The following MCM3AP variants were observed in gnomAD, a reference collection of about 807,000 sequenced individuals.
MCM3AP encodes the protein germinal-center associated nuclear protein.
In MCM3AP, 126 loss-of-function variants were observed where a neutral mutation model predicts 184.1. That is an observed-to-expected ratio of 0.68 (90% CI 0.59 to 0.79). The LOEUF (loss-of-function observed/expected upper bound fraction) is 0.79. MCM3AP is among the 30% of genes least tolerant of loss of function. The pLI is 0.00. For missense variants in MCM3AP, 2,496 were observed against 2,479.2 expected, an observed-to-expected ratio of 1.01 and a Z score of -0.14; for synonymous variants, 1,002 against 979.3, an observed-to-expected ratio of 1.02 and a Z score of -0.43.
At chr21:46,273,712 T>C in intron 6 of MCM3AP, 127 bp from the exon 7 acceptor site, 2 of 682,250 alleles carry the variant, frequency 2.9e-6, no homozygotes, top group Non-Finnish European at 4.9e-6. Context: ...AATATATTTT[T>C]TCAACATAAA....
At chr21:46,261,506 G>A (rs933256187) in intron 13 of MCM3AP, 95 bp from the exon 14 acceptor site, 15 of 1,085,712 alleles carry the variant, frequency 1.4e-5, no homozygotes, top group South Asian at 5.4e-5. Context: ...AGGCTGAGGT[G>A]GGCGGATCAC....
At position 46,235,266 on chromosome 21, in the gene MCM3AP, G is replaced by A; in HGVS notation, c.*2C>T. 6.2e-7 allele frequency: 1 copy of A among 1,614,122 alleles called. No homozygotes were observed. The highest frequency in any genetic ancestry group is 8.5e-7 in the Non-Finnish European group (1 of 1,179,970). On this transcript the variant is annotated 3_prime_UTR_variant, in exon 28 of 28. Coordinates refer to ENST00000291688, the MANE Select transcript of MCM3AP (RefSeq NM_003906.5). ...AGACCCCCTCCCCACAGGTCAGGCT[G>A]CTCAAATGTCCACCATGTCTAGCAG...
At position 46,284,334 on chromosome 21, in the gene MCM3AP, C is replaced by G; in HGVS notation, c.953G>C (p.Gly318Ala). The G allele has an allele frequency of 6.2e-7, 1 of 1,614,230 alleles. No individual in the cohort carries two copies. Among genetic ancestry groups the G allele is most frequent in the Non-Finnish European group, 8.5e-7 (1 of 1,180,044 alleles). Reference sequence around the variant, plus strand: ...AGGTCGTTTGTCTGGAGGATGATCGCCCCGGGACAGAGGATCCGAATCTTC... The same window carrying G: ...AGGTCGTTTGTCTGGAGGATGATCGGCCCGGGACAGAGGATCCGAATCTTC... ...PAEDSDPLSR[G>A]DHPPDKRPVR... The change falls in exon 1 of 28, where the codon GGC becomes GCC. Residue 318 changes from glycine (G) to alanine (A), a missense_variant. Transcript: ENST00000291688.
At position 46,272,786 on chromosome 21, in the gene MCM3AP, AG is replaced by A. The variant is rs984691204; in HGVS notation, c.2239del (p.Leu747Ter). 1 of 1,611,596 alleles carries A rather than the reference AG, an allele frequency of 6.2e-7. No individual in the cohort carries two copies. Among genetic ancestry groups the A allele is most frequent in the African/African-American group, 1.3e-5 (1 of 74,862 alleles). On this transcript the variant is annotated frameshift_variant, in exon 8 of 28. Coordinates refer to ENST00000291688, the MANE Select transcript of MCM3AP (RefSeq NM_003906.5). LOFTEE classifies it high-confidence loss of function. ...GTGAAACCGGGTGCACTTCTCAATC[AG>A]GGACACCGTCAGGGGGTCACAGAGG... ...QHLCDPLTVS[L>X]IEKCTRFHIH...
At position 46,246,417 on chromosome 21, in the gene MCM3AP, C is replaced by T. The variant is rs187668629; in HGVS notation, c.4550-13G>A. ...TGTAGCATCAGACCTTTAAGACAGA[C>T]ATAGATGAAGGTCACTTGCATTCTG... is the stretch of plus-strand genomic sequence containing the variant. On this transcript the variant is annotated splice_polypyrimidine_tract_variant and intron_variant, in intron 21 of 27. Transcript: ENST00000291688. The T allele has an allele frequency of 4.6e-5, 71 of 1,553,292 alleles. No homozygotes were observed. In the African/African-American group the frequency reaches 8.5e-4, roughly 19 times the overall value.
At chr21:46,241,323 T>G (rs1258039096) in intron 25 of MCM3AP, 3 of 268,354 alleles carry the variant, frequency 1.1e-5, no homozygotes, top group Non-Finnish European at 2.1e-5. Context: ...TTTTGGAGCT[T>G]CTCTGCTTCA....
In MCM3AP at chr21:46,284,616, G is replaced by T. The variant is rs768052088; in HGVS notation, c.671C>A (p.Pro224His). 2.5e-6 allele frequency: 4 copies of T among 1,614,174 alleles called. No individual in the cohort carries two copies. In the Admixed American group the frequency reaches 6.7e-5, roughly 27 times the overall value. ...SSNNSLSAFT[P>H]ALSNQNVEEE... ...CTCTACATTTTGGTTTGACAAAGCAGGGGTAAAGGCAGATAATGAATTATT... is the reference window on the plus strand; with the variant it reads ...CTCTACATTTTGGTTTGACAAAGCATGGGTAAAGGCAGATAATGAATTATT... Residue 224 changes from proline (P) to histidine (H), a missense_variant, in exon 1 of 28, where the codon CCT (proline) becomes CAT (histidine). By Grantham distance (77) the Pro-to-His change is moderately conservative (BLOSUM62 -2). Coordinates refer to ENST00000291688, the MANE Select transcript of MCM3AP (RefSeq NM_003906.5).
intron 20 of MCM3AP, 140 bp from the exon 21 acceptor site, chr21:46,247,026 GC>G: frequency 1.3e-6 from 1 of 755,368 alleles, no homozygotes. Context: ...CAAGGGCACA[GC>G]TGGGCATACC....
intron 11 of MCM3AP, 107 bp from the exon 12 acceptor site, chr21:46,265,630 T>C (rs1461409467): frequency 1.1e-6 from 1 of 942,536 alleles, no homozygotes; most frequent in Non-Finnish European, 1.6e-6. Context: ...ACAGTGACCC[T>C]GAGGACTGGC....
chr21:46,266,623 C>A, intron 10 of MCM3AP: 1 of 285,972 alleles, frequency 3.5e-6, no homozygotes, highest in Non-Finnish European at 6.6e-6. Context: ...GAGAAGACTC[C>A]GGCTGGCCTG....
intron 2 of MCM3AP, among the ~76,000 whole-genome samples, chr21:46,281,917 G>T (rs754951604): frequency 6.6e-6 from 1 of 152,094 alleles, no homozygotes; most frequent in Non-Finnish European, 1.5e-5. Context: ...AGAATCGCTT[G>T]AACTGGAAAG....
In MCM3AP at chr21:46,285,345, C is replaced by T; in HGVS notation, c.-59G>A. The stretch of plus-strand genomic sequence containing the variant: ...TTATGTGTACAAAATTAATTGGCTT[C>T]CTGAAACAGCCTGTAGCACTAGGGA... On this transcript the variant is annotated 5_prime_UTR_variant, in exon 1 of 28. Transcript: ENST00000291688. The T allele has an allele frequency of 1.8e-6, 2 of 1,137,504 alleles. No homozygotes were observed. Among genetic ancestry groups the T allele is most frequent in the Non-Finnish European group, 2.6e-6 (2 of 768,896 alleles). The allele number at this position is 1,137,504 out of a possible 1,614,324, so 70.5% of individuals were successfully genotyped here. A position where few individuals can be genotyped will look rare whatever the true frequency, so the allele number is the denominator to read the frequency against.
At chr21:46,243,019 A>C in intron 24 of MCM3AP, 88 bp from the exon 25 acceptor site, 113 of 1,173,614 alleles carry the variant, frequency 9.6e-5, no homozygotes, top group Non-Finnish European at 1.2e-4. Context: ...AAAAACAAAA[A>C]CAGGTACAAA....
chr21:46,249,236 G>A (rs1352299916), intron 20 of MCM3AP, among the ~76,000 whole-genome samples: 6 of 152,112 alleles, frequency 3.9e-5, no homozygotes, highest in Admixed American at 6.6e-5. Context: ...TGTCAACACC[G>A]GAGTGCAGTG....
intron 17 of MCM3AP, 128 bp downstream of exon 17, chr21:46,256,661 G>T: frequency 2.5e-6 from 3 of 1,193,750 alleles, no homozygotes; most frequent in East Asian, 5.2e-5. Flanking sequence ...TCGCCTCCAG[G>T]CTTCACCTAT....
chr21:46,235,303 G>A lies in MCM3AP; in HGVS notation c.5908C>T (p.His1970Tyr). 6.2e-7 allele frequency: 1 copy of A among 1,614,218 alleles called. No homozygotes were observed. Among genetic ancestry groups the A allele is most frequent in the Non-Finnish European group, 8.5e-7 (1 of 1,180,030 alleles). ...ACCATGTCTAGCAGCGCAGAGAGAT[G>A]GAGCTCAGAGGCAACTTCCTCTTCC... ...SREEEVASELHLSALLDMVDI is the reference protein window; with the variant it reads ...SREEEVASELYLSALLDMVDI Residue 1970 changes from histidine to tyrosine, a missense_variant, in exon 28 of 28, where the codon CAT (histidine) becomes TAT (tyrosine). His to Tyr is a moderately conservative substitution (Grantham distance 83, BLOSUM62 2). Around this residue, in one of 5 missense-constraint regions of MCM3AP, gnomAD observed 1,323 missense variants for 1,273.4 expected, o/e 1.04. Coordinates refer to ENST00000291688, the MANE Select transcript of MCM3AP (RefSeq NM_003906.5).
chr21:46,245,106 A>G lies in MCM3AP; in HGVS notation c.4739T>C (p.Ile1580Thr). 1 of 1,614,256 alleles carries G rather than the reference A, an allele frequency of 6.2e-7. No individual in the cohort carries two copies. Among genetic ancestry groups the G allele is most frequent in the Non-Finnish European group, 8.5e-7 (1 of 1,180,024 alleles). ...QTLIQYVEDG[I>T]GHEFSGRFFH... The stretch of plus-strand genomic sequence containing the variant: ...AAAGCGGCCACTAAACTCATGGCCA[A>G]TCCCGTCTTCGACGTACTGAATGAG... The change falls in exon 23 of 28, where the codon ATT becomes ACT. Residue 1580 changes from isoleucine to threonine, a missense_variant. Ile to Thr is a moderately conservative substitution (Grantham distance 89). Transcript: ENST00000291688.
chr21:46,273,119 C>T (rs575968329), intron 7 of MCM3AP, among the ~76,000 whole-genome samples: 23 of 152,090 alleles, frequency 1.5e-4, no homozygotes, highest in Admixed American at 7.9e-4. Context: ...GGACTACAGG[C>T]GTGTGCCACC....
chr21:46,265,113 T>C (rs887165592), intron 12 of MCM3AP, among the ~76,000 whole-genome samples: 1 of 152,174 alleles, frequency 6.6e-6, no homozygotes, highest in Non-Finnish European at 1.5e-5. Context: ...GCCGGTGCTG[T>C]GACAGGAAGC....
Sources: allele counts gnomAD v4.1 joint callset (sites outside exome capture counted in the v4.1 genomes callset), GRCh38; gene constraint gnomAD v4.1.1; regional missense constraint gnomAD v4.1.1; transcripts MANE v1.5; gene names NCBI Gene and HGNC (gene_info 2026-07-23, HGNC 2026-07-21).